Variants in ZSWIM5 observed in about 807,000 individuals in gnomAD.
The protein encoded by ZSWIM5 is zinc finger SWIM-type containing 5, also known as zinc finger SWIM domain-containing protein 5.
Under a neutral mutation model 119.6 loss-of-function variants are expected in ZSWIM5, and 55 were observed. The ratio of observed to expected loss-of-function variants is 0.46; its 90% confidence interval spans 0.37 to 0.58. The LOEUF (loss-of-function observed/expected upper bound fraction) is 0.58, where lower values mean the gene tolerates loss of function less well. ZSWIM5 is among the 20% of genes least tolerant of loss of function. ZSWIM5 has a pLI of 0.00. For synonymous variants in ZSWIM5, 537 were observed against 606.9 expected, an observed-to-expected ratio of 0.88 and a Z score of 1.69; for missense variants, 1,193 against 1,512.8, an observed-to-expected ratio of 0.79 and a Z score of 3.51.
chr1:45,034,882 A>G (rs1644973668), intron 10 of ZSWIM5, among the ~76,000 whole-genome samples: 1 of 152,122 alleles, frequency 6.6e-6, no homozygotes, highest in South Asian at 2.1e-4. Context: ...CCCAGGCTCA[A>G]GCGATCCTCC....
At chr1:45,079,007 G>A (rs1479022572) in intron 2 of ZSWIM5, among the ~76,000 whole-genome samples, 1 of 152,136 alleles carries the variant, frequency 6.6e-6, no homozygotes, top group Non-Finnish European at 1.5e-5. Context: ...AAGTGAAAAT[G>A]GCTGGTTCCT....
chr1:45,035,631 G>C, intron 10 of ZSWIM5, 57 bp downstream of exon 10: 1 of 1,577,770 alleles, frequency 6.3e-7, no homozygotes, highest in East Asian at 2.3e-5. Context: ...CAATGAAAAA[G>C]AGCACTGGAC....
chr1:45,190,867 T>G (rs1646087159), intron 1 of ZSWIM5, among the ~76,000 whole-genome samples: 1 of 150,452 alleles, frequency 6.6e-6, no homozygotes, highest in Admixed American at 6.6e-5. Context: ...CAACCAGATT[T>G]GGCTCTCTGG....
intron 1 of ZSWIM5, among the ~76,000 whole-genome samples, chr1:45,176,951 TA>T: frequency 6.6e-6 from 1 of 152,212 alleles, no homozygotes; most frequent in East Asian, 1.9e-4. Context: ...TGGGCTCCAA[TA>T]TACCCTTTCA....
chr1:45,051,405 C>T, intron 4 of ZSWIM5, 152 bp from the exon 5 acceptor site: 2 of 740,772 alleles, frequency 2.7e-6, no homozygotes, highest in Non-Finnish European at 4.2e-6. Flanking sequence ...TCAGAACTGG[C>T]TTGTTTTTCC....
Position 45,164,469 on chromosome 1 carries a change from A to G in ZSWIM5, c.595+41287T>C, listed in dbSNP as rs147877448. On this transcript the variant is annotated intron_variant, in intron 1 of 13. Coordinates refer to ENST00000359600, the MANE Select transcript of ZSWIM5 (RefSeq NM_020883.2). ...TGACAGGATCAAATTCACACATAAC[A>G]ATATTAACATTAAATGTAAATGGGC... is the stretch of plus-strand genomic sequence containing the variant. Among the ~76,000 whole-genome samples, 717 of 152,256 alleles carry G rather than the reference A, an allele frequency of 4.7e-3. 10 individuals carry two copies. The highest frequency in any genetic ancestry group is 0.016 in the African/African-American group (676 of 41,560).
rs1176569708 is a variant in ZSWIM5 at position 45,044,794 on chromosome 1, T to C, written c.1433-1399A>G. ...ATATATAAATATATATATATAAATA[T>C]ATATATATAAATATATATATATATA... On this transcript the variant is annotated intron_variant, in intron 5 of 13. Coordinates refer to ENST00000359600, the MANE Select transcript of ZSWIM5 (RefSeq NM_020883.2). 3.8e-3 allele frequency among the ~76,000 whole-genome samples: 23 copies of C among 6,050 alleles called. 7 individuals carry two copies. The highest frequency in any genetic ancestry group is 0.029 in the Admixed American group (7 of 244). The allele number at this position is 6,050 out of a possible 152,430, so 4.0% of individuals were successfully genotyped here.
chr1:45,189,716 G>A (rs1276294640), intron 1 of ZSWIM5, among the ~76,000 whole-genome samples: 3 of 152,094 alleles, frequency 2.0e-5, no homozygotes, highest in Admixed American at 1.3e-4. Flanking sequence ...TGATCTTGTC[G>A]CTGCATTCCA....
At chr1:45,151,467 T>C (rs998402173) in intron 1 of ZSWIM5, among the ~76,000 whole-genome samples, 1 of 151,996 alleles carries the variant, frequency 6.6e-6, no homozygotes, top group Admixed American at 6.6e-5. Context: ...CTAGGATACA[T>C]TAATGAAGAA....
chr1:45,062,002 A>T (rs1645154583), intron 2 of ZSWIM5, among the ~76,000 whole-genome samples: 1 of 152,020 alleles, frequency 6.6e-6, no homozygotes, highest in Non-Finnish European at 1.5e-5. Context: ...AGGCACGAGA[A>T]TTGCTTGAAC....
At chr1:45,132,099 T>G (rs577373362) in intron 1 of ZSWIM5, among the ~76,000 whole-genome samples, 1 of 150,198 alleles carries the variant, frequency 6.7e-6, no homozygotes, top group Admixed American at 6.7e-5. Context: ...TACAAACATT[T>G]TATAATTTTA....
At chr1:45,044,581 G>A (rs181496309) in intron 5 of ZSWIM5, among the ~76,000 whole-genome samples, 10,247 of 145,520 alleles carry the variant, frequency 0.07, 460 homozygotes, top group Non-Finnish European at 0.1. Context: ...AAAATTAGCC[G>A]GGCATGGTGG....
At chr1:45,146,486 C>G (rs1185298972) in intron 1 of ZSWIM5, among the ~76,000 whole-genome samples, 2 of 120,820 alleles carry the variant, frequency 1.7e-5, no homozygotes, top group Non-Finnish European at 3.2e-5. Flanking sequence ...CTCACCCAGG[C>G]TGGAGTGCAG....
intron 1 of ZSWIM5, among the ~76,000 whole-genome samples, chr1:45,109,170 T>C (rs1645499162): frequency 6.6e-6 from 1 of 152,200 alleles, no homozygotes; most frequent in South Asian, 2.1e-4. Flanking sequence ...AGCAAAACCA[T>C]TTTTCCACAT....
intron 1 of ZSWIM5, among the ~76,000 whole-genome samples, chr1:45,126,904 T>C (rs1247815819): frequency 6.6e-6 from 1 of 152,178 alleles, no homozygotes; most frequent in Non-Finnish European, 1.5e-5. Flanking sequence ...AGTAGCACGA[T>C]CACAGCTCAC....
At chr1:45,162,915 G>C (rs1645872726) in intron 1 of ZSWIM5, among the ~76,000 whole-genome samples, 1 of 152,232 alleles carries the variant, frequency 6.6e-6, no homozygotes, top group Admixed American at 6.5e-5. Context: ...TGAACAAAAG[G>C]CAGCAGAAAC....
chr1:45,035,694 G>A lies in ZSWIM5; in HGVS notation c.2285C>T (p.Ala762Val). The change falls in exon 10 of 14, where the codon GCC becomes GTC. Residue 762 changes from alanine (A) to valine (V), a missense_variant. Coordinates refer to ENST00000359600, the MANE Select transcript of ZSWIM5 (RefSeq NM_020883.2). ...PDLSYKLALR[A>V]MRLPVLENSA... ...CTGGGAAAGGGCTACCCACCTCATGGCACGTAAGGCTAATTTATAGGACAG... is the reference window on the plus strand; with the variant it reads ...CTGGGAAAGGGCTACCCACCTCATGACACGTAAGGCTAATTTATAGGACAG... The A allele has an allele frequency of 1.2e-6, 2 of 1,613,318 alleles. No individual in the cohort carries two copies. The highest frequency in any genetic ancestry group is 1.7e-6 in the Non-Finnish European group (2 of 1,179,958).
At chr1:45,034,276 G>A (rs748905291) in intron 11 of ZSWIM5, 36 bp downstream of exon 11, 23 of 1,537,650 alleles carry the variant, frequency 1.5e-5, no homozygotes, top group South Asian at 3.8e-5. Flanking sequence ...GCAGGCAGAC[G>A]GGTGATGCTG....
At chr1:45,078,762 G>A in intron 2 of ZSWIM5, among the ~76,000 whole-genome samples, 1 of 152,208 alleles carries the variant, frequency 6.6e-6, no homozygotes, top group Non-Finnish European at 1.5e-5. Flanking sequence ...CTTCAGGATG[G>A]GGGGTTCCTC....
Sources: gnomAD v4.1 joint callset for allele counts (sites outside exome capture counted in the v4.1 genomes callset) on GRCh38, gnomAD v4.1.1 for gene constraint, MANE v1.5 for transcripts, NCBI Gene and HGNC (gene_info 2026-07-23, HGNC 2026-07-21) for gene names.